The following MED26 variants were observed in gnomAD, a reference collection of about 807,000 sequenced individuals.
The protein encoded by MED26 is mediator of RNA polymerase II transcription subunit 26.
MED26 carries 7 observed loss-of-function variants against 43.7 expected under a neutral mutation model. The ratio of observed to expected loss-of-function variants is 0.16; its 90% CI spans 0.09 to 0.30. The LOEUF (loss-of-function observed/expected upper bound fraction) is 0.30, where lower values mean the gene tolerates loss of function less well. Among genes scored for constraint, MED26 ranks in the 10% least tolerant of loss-of-function variants. The probability of loss-of-function intolerance (pLI) is 1.00; values close to 1 mark genes in which losing one functional copy is unlikely to be tolerated. For missense variants in MED26, 784 were observed against 840.6 expected, an observed-to-expected ratio of 0.93 and a Z score of 0.83; for synonymous variants, 375 against 371.1, an observed-to-expected ratio of 1.01 and a Z score of -0.12.
intron 1 of MED26, among the ~76,000 whole-genome samples, chr19:16,596,699 C>G (rs2086121399): frequency 6.6e-6 from 1 of 152,198 alleles, no homozygotes; most frequent in South Asian, 2.1e-4. Flanking sequence ...AAGAGCAGAT[C>G]TAGCCCCTCT....
At chr19:16,597,635 C>T (rs555424141) in intron 1 of MED26, among the ~76,000 whole-genome samples, 4 of 152,336 alleles carry the variant, frequency 2.6e-5, no homozygotes, top group South Asian at 2.1e-4. Flanking sequence ...CACAGAGGTG[C>T]GTCCGGCTCT....
At chr19:16,616,177 T>C (rs539082034) in intron 1 of MED26, among the ~76,000 whole-genome samples, 3 of 152,320 alleles carry the variant, frequency 2.0e-5, no homozygotes, top group South Asian at 2.1e-4. Context: ...GTAGCATGCA[T>C]GTGAGCACCC....
chr19:16,586,580 G>A lies in MED26; in HGVS notation c.73-8171C>T, dbSNP rs1405624690. ...TATGCCTTGTCCCCAGGATGCCTGA[G>A]AGGCAGGACCAGGGTGACCCAGGCA... On this transcript the variant is annotated intron_variant, in intron 1 of 2. Coordinates refer to ENST00000263390, the MANE Select transcript of MED26 (RefSeq NM_004831.5). This position sits in a 1 kb window ranked among gnomAD's most constrained non-coding sequence, Gnocchi z 5.1. 6.6e-6 allele frequency among the ~76,000 whole-genome samples: 1 copy of A among 152,270 alleles called. No individual in the cohort carries two copies. The highest frequency in any genetic ancestry group is 2.4e-5 in the African/African-American group (1 of 41,474).
At chr19:16,600,189 C>CCCCCT (rs2086142074) in intron 1 of MED26, among the ~76,000 whole-genome samples, 3 of 151,594 alleles carry the variant, frequency 2.0e-5, no homozygotes, top group Non-Finnish European at 4.4e-5. Flanking sequence ...TGCCACAGGT[C>CCCCCT]CCTGCAGCAG....
chr19:16,596,294 C>G (rs141175644), intron 1 of MED26, among the ~76,000 whole-genome samples: 1,748 of 152,352 alleles, frequency 0.011, 24 homozygotes, highest in South Asian at 0.032. Flanking sequence ...CAACCCCATG[C>G]TGCGTCAGAG....
intron 1 of MED26, among the ~76,000 whole-genome samples, chr19:16,593,735 G>A (rs1489300846): frequency 1.3e-5 from 2 of 152,112 alleles, no homozygotes; most frequent in Non-Finnish European, 1.5e-5. Flanking sequence ...GTGACTCTTG[G>A]TGGTCCTCAC....
chr19:16,627,300 G>A (rs961387906), intron 1 of MED26, among the ~76,000 whole-genome samples: 2 of 152,164 alleles, frequency 1.3e-5, no homozygotes, highest in African/African-American at 2.4e-5. Flanking sequence ...ACAGAAGGGA[G>A]ACAGACTCTC....
chr19:16,613,765 T>C (rs1026548278), intron 1 of MED26, among the ~76,000 whole-genome samples: 2 of 152,190 alleles, frequency 1.3e-5, no homozygotes, highest in Admixed American at 6.5e-5. Context: ...GCTGCTGTCC[T>C]TGCAACCATT....
At position 16,577,617 on chromosome 19, in the gene MED26, C is replaced by A. The variant is rs144231247; in HGVS notation, c.213G>T (p.Lys71Asn). The A allele has an allele frequency of 6.3e-7, 1 of 1,597,306 alleles. No homozygotes were observed. Among genetic ancestry groups the A allele is most frequent in the Admixed American group, 1.7e-5 (1 of 57,320 alleles). Residue 71 changes from lysine to asparagine, a missense_variant, in exon 3 of 3, where the codon AAG becomes AAT. Physicochemically the swap from Lys to Asn is moderately conservative, Grantham distance 94. Coordinates refer to ENST00000263390, the MANE Select transcript of MED26 (RefSeq NM_004831.5). This position sits in a 1 kb window ranked among gnomAD's most constrained non-coding sequence, Gnocchi z 8.1. ...RKKTKNEELA[K>N]RAKKLLRSWQ... is the part of the protein sequence containing the mutation. Reference sequence around the variant, plus strand: ...AGCTCCGCAGCAGCTTCTTGGCCCGCTTGGCGAGCTCCTCGTTCTTGGTTT... The same window carrying A: ...AGCTCCGCAGCAGCTTCTTGGCCCGATTGGCGAGCTCCTCGTTCTTGGTTT...
At chr19:16,593,181 A>C (rs2122406781) in intron 1 of MED26, among the ~76,000 whole-genome samples, 1 of 152,334 alleles carries the variant, frequency 6.6e-6, no homozygotes, top group African/African-American at 2.4e-5. Flanking sequence ...CGAGGTGCCT[A>C]TCCGAAGTCA....
chr19:16,607,479 G>A (rs2086179273), intron 1 of MED26, among the ~76,000 whole-genome samples: 1 of 151,946 alleles, frequency 6.6e-6, no homozygotes, highest in Non-Finnish European at 1.5e-5. Flanking sequence ...TGTTGGGGAA[G>A]GCAGGCAACA....
rs779697447 is a variant in MED26, at chr19:16,577,697, A to G, written c.148-15T>C. On this transcript the variant is annotated splice_polypyrimidine_tract_variant and intron_variant, in intron 2 of 2. Coordinates refer to ENST00000263390, the MANE Select transcript of MED26 (RefSeq NM_004831.5). The surrounding 1 kb of genome is among the most constrained non-coding windows in gnomAD (Gnocchi z 8.1). The stretch of plus-strand genomic sequence containing the variant: ...AGTCGTGTTTCCTACAACCAGAGGG[A>G]GATGATGACATACTTTCGGGACAGG... 2.6e-6 allele frequency: 4 copies of G among 1,544,494 alleles called. No homozygotes were observed. In the South Asian group the frequency reaches 4.8e-5, roughly 19 times the overall value.
intron 1 of MED26, among the ~76,000 whole-genome samples, chr19:16,599,511 C>G (rs1348684727): frequency 1.3e-5 from 2 of 152,142 alleles, no homozygotes; most frequent in Non-Finnish European, 1.5e-5. Flanking sequence ...AGAGCCCATC[C>G]AAGCTCCCTT....
At chr19:16,626,913 TCCCCCCCA>T (rs35364668) in intron 1 of MED26, among the ~76,000 whole-genome samples, 6 of 117,636 alleles carry the variant, frequency 5.1e-5, no homozygotes, top group East Asian at 2.4e-4. Context: ...AGATCAGTCT[TCCCCCCCA>T]CCCCCCCACC....
intron 1 of MED26, among the ~76,000 whole-genome samples, chr19:16,590,625 C>T (rs2086091348): frequency 6.6e-6 from 1 of 152,222 alleles, no homozygotes; most frequent in African/African-American, 2.4e-5. Context: ...TTAATTTCAG[C>T]TCCCTTTCTT....
intron 1 of MED26, 32 bp downstream of exon 1, chr19:16,627,840 C>T: frequency 6.9e-7 from 1 of 1,456,158 alleles, no homozygotes; most frequent in South Asian, 1.3e-5. Context: ...GCCCATGCGG[C>T]CTCCGTCCCA....
chr19:16,580,855 C>G (rs1035153659), intron 1 of MED26, among the ~76,000 whole-genome samples: 1 of 152,190 alleles, frequency 6.6e-6, no homozygotes, highest in Non-Finnish European at 1.5e-5. Context: ...GGTGCCATCT[C>G]TAAGGACTCC....
At chr19:16,612,162 T>TA (rs916827830) in intron 1 of MED26, 1 of 152,244 alleles carries the variant, frequency 6.6e-6, no homozygotes, top group Non-Finnish European at 1.5e-5. Flanking sequence ...CAGTCTTGAT[T>TA]ACCCACCAAG....
At chr19:16,603,385 T>C (rs1485962609) in intron 1 of MED26, among the ~76,000 whole-genome samples, 1 of 152,050 alleles carries the variant, frequency 6.6e-6, no homozygotes, top group Non-Finnish European at 1.5e-5. Context: ...TGGGTCTCGA[T>C]CTGTGCAATG....
Sources: gnomAD v4.1 joint callset for allele counts (sites outside exome capture counted in the v4.1 genomes callset) on GRCh38, gnomAD v4.1.1 for gene constraint, Gnocchi (gnomAD v3.1) non-coding constraint, MANE v1.5 for transcripts, NCBI Gene and HGNC (gene_info 2026-07-23, HGNC 2026-07-21) for gene names.